ASRGL1: variants seen among roughly 807,000 people sequenced by gnomAD.
ASRGL1 encodes asparaginase and isoaspartyl peptidase 1, also known as isoaspartyl peptidase/L-asparaginase.
ASRGL1 carries 16 observed loss-of-function variants against 22.4 expected under a neutral mutation model. That is an observed-to-expected ratio of 0.71 (90% CI 0.48 to 1.08). The LOEUF (loss-of-function observed/expected upper bound fraction) is 1.08, where lower values mean the gene tolerates loss of function less well. Among genes scored for constraint, ASRGL1 ranks in the 50% least tolerant of loss-of-function variants. ASRGL1 has a pLI of 0.00. For missense variants in ASRGL1, 412 were observed against 410.1 expected (o/e 1.00, Z -0.04); for synonymous variants, 165 against 159.3 (o/e 1.04, Z -0.27).
chr11:62,389,229 C>CGTTGGGGTGA lies in ASRGL1; in HGVS notation c.595_596insTGAGTTGGGG (p.Asp199ValfsTer17). The CGTTGGGGTGA allele has an allele frequency of 6.2e-7, 1 of 1,614,074 alleles. No individual in the cohort carries two copies. Among genetic ancestry groups the CGTTGGGGTGA allele is most frequent in the African/African-American group, 1.3e-5 (1 of 75,026 alleles). ...GTATCGTTAATAAAATGGTCGGCCGCGTTGGGGACTCACCGTGTCTAGGTA... is the reference window on the plus strand; with the variant it reads ...GTATCGTTAATAAAATGGTCGGCCGCGTTGGGGTGAGTTGGGGACTCACCGTGTCTAGGTA... On this transcript the variant is annotated frameshift_variant, in exon 5 of 7. Transcript: ENST00000415229. LOFTEE classifies it high-confidence loss of function.
intron 6 of ASRGL1, chr11:62,391,868 G>A (rs577286951): frequency 4.1e-6 from 3 of 739,456 alleles, no homozygotes; most frequent in South Asian, 1.9e-5. Context: ...GAGACATTGA[G>A]CCTGGATGTG....
chr11:62,368,201 G>A (rs1015144834), intron 4 of ASRGL1, among the ~76,000 whole-genome samples: 6 of 152,096 alleles, frequency 3.9e-5, no homozygotes, highest in Admixed American at 3.9e-4. Flanking sequence ...ATCTCTTACT[G>A]TGCCTAATTT....
chr11:62,357,182 T>C (rs1348344583), intron 4 of ASRGL1, 38 bp downstream of exon 4: 24 of 1,588,890 alleles, frequency 1.5e-5, no homozygotes, highest in Non-Finnish European at 1.9e-5. Context: ...TTGGGAGTTA[T>C]TAAAATATGA....
chr11:62,389,493 G>C, intron 5 of ASRGL1: 1 of 556,092 alleles, frequency 1.8e-6, no homozygotes, highest in Non-Finnish European at 3.4e-6. Flanking sequence ...GAACAACTTG[G>C]GGAGAGAAGT....
chr11:62,358,102 C>G (rs1286732731), intron 4 of ASRGL1, among the ~76,000 whole-genome samples: 1 of 152,214 alleles, frequency 6.6e-6, no homozygotes, highest in South Asian at 2.1e-4. Context: ...GGTGCGGTGG[C>G]TCACACCTGT....
intron 5 of ASRGL1, 127 bp downstream of exon 5, chr11:62,389,378 A>G (rs1014937885): frequency 4.2e-6 from 4 of 946,980 alleles, no homozygotes; most frequent in Non-Finnish European, 6.7e-6. Context: ...CAGCTCCAGG[A>G]TGTCTGGGAG....
rs568440313 is a variant in ASRGL1, at chr11:62,392,283, A to G, written c.926A>G (p.Ter309=). ...PDDTTITDLP[*] is the part of the protein sequence containing the mutation. ...GATACTACTATCACCGACCTTCCCT[A>G]AGCCGCTGGAAGATTGTATTCCAGA... The change falls in exon 7 of 7, where the codon TAA becomes TGA. Residue 309 remains the stop codon, a stop_retained_variant. Coordinates refer to ENST00000415229, the MANE Select transcript of ASRGL1 (RefSeq NM_001083926.2). 1.2e-6 allele frequency: 2 copies of G among 1,613,106 alleles called. No homozygotes were observed. The highest frequency in any genetic ancestry group is 2.2e-5 in the South Asian group (2 of 91,032).
intron 5 of ASRGL1, 75 bp downstream of exon 5, chr11:62,389,326 C>T (rs1224828619): frequency 1.5e-6 from 2 of 1,331,608 alleles, no homozygotes; most frequent in Non-Finnish European, 2.2e-6. Flanking sequence ...CTATTCCCTG[C>T]CCCTCTCCGT....
At chr11:62,388,176 A>G (rs979174358) in intron 4 of ASRGL1, among the ~76,000 whole-genome samples, 1 of 152,222 alleles carries the variant, frequency 6.6e-6, no homozygotes, top group Admixed American at 6.5e-5. Context: ...AAGTACAGTA[A>G]AAATAGAGGA....
At chr11:62,389,109 T>G (rs369028093) in intron 4 of ASRGL1, 24 bp from the exon 5 acceptor site, 25 of 1,579,660 alleles carry the variant, frequency 1.6e-5, no homozygotes, top group Non-Finnish European at 2.2e-5. Context: ...AGCCTGTCAC[T>G]TTTTTTCTGT....
intron 4 of ASRGL1, among the ~76,000 whole-genome samples, chr11:62,360,759 A>G (rs1435626120): frequency 6.6e-6 from 1 of 152,218 alleles, no homozygotes; most frequent in Non-Finnish European, 1.5e-5. Flanking sequence ...CTTCTTTACT[A>G]ACGGAAGATT....
At chr11:62,376,558 G>A (rs1946936694) in intron 4 of ASRGL1, among the ~76,000 whole-genome samples, 1 of 152,118 alleles carries the variant, frequency 6.6e-6, no homozygotes, top group Admixed American at 6.5e-5. Context: ...TTCTGCAGAA[G>A]TAGTAGTCTG....
At chr11:62,387,154 C>T (rs1263429600) in intron 4 of ASRGL1, among the ~76,000 whole-genome samples, 2 of 151,690 alleles carry the variant, frequency 1.3e-5, no homozygotes, top group Admixed American at 1.3e-4. Flanking sequence ...CAGCCTGCCT[C>T]GGCCTCCCAA....
At chr11:62,377,088 T>TA (rs1422768450) in intron 4 of ASRGL1, among the ~76,000 whole-genome samples, 3 of 152,234 alleles carry the variant, frequency 2.0e-5, no homozygotes, top group Non-Finnish European at 1.5e-5. Context: ...CAATATTTTT[T>TA]GCCTGTTTCC....
chr11:62,342,588 C>T (rs1945892926), intron 2 of ASRGL1, among the ~76,000 whole-genome samples: 1 of 151,404 alleles, frequency 6.6e-6, no homozygotes, highest in Non-Finnish European at 1.5e-5. Context: ...AAAATGCTGT[C>T]TCTGCTAAAT....
intron 5 of ASRGL1, chr11:62,389,478 T>A (rs1947291347): frequency 5.0e-6 from 3 of 594,466 alleles, no homozygotes; most frequent in Non-Finnish European, 9.4e-6. Context: ...TTGCATGCCT[T>A]TTTGGAACAA....
intron 5 of ASRGL1, chr11:62,389,749 A>C (rs149300430): frequency 4.1e-6 from 1 of 246,388 alleles, no homozygotes; most frequent in East Asian, 1.1e-4. Context: ...ACGCCATCTC[A>C]TTCCCAGGAG....
chr11:62,364,177 A>AG (rs1435923967), intron 4 of ASRGL1, among the ~76,000 whole-genome samples: 3 of 151,334 alleles, frequency 2.0e-5, no homozygotes, highest in Non-Finnish European at 4.4e-5. Flanking sequence ...AAAAAAAAAA[A>AG]ATCAGTACTC....
intron 4 of ASRGL1, among the ~76,000 whole-genome samples, chr11:62,388,547 G>A (rs1947266225): frequency 6.6e-6 from 1 of 151,888 alleles, no homozygotes; most frequent in Non-Finnish European, 1.5e-5. Context: ...GTGCATGCCT[G>A]TAGTCCCAGC....
Sources: allele counts gnomAD v4.1 joint callset (sites outside exome capture counted in the v4.1 genomes callset), GRCh38; gene constraint gnomAD v4.1.1; transcripts MANE v1.5; gene names NCBI Gene and HGNC (gene_info 2026-07-23, HGNC 2026-07-21).